Variants in RECK observed in about 807,000 individuals in gnomAD.
The protein encoded by RECK is reversion inducing cysteine rich protein with kazal motifs.
Under a neutral mutation model 115.1 loss-of-function variants are expected in RECK, and 69 were observed. That is an observed-to-expected ratio of 0.60 (90% CI 0.49 to 0.73). RECK has a LOEUF of 0.73. Among genes scored for constraint, RECK ranks in the 30% least tolerant of loss-of-function variants. The probability of loss-of-function intolerance (pLI) is 0.00; values close to 1 mark genes in which losing one functional copy is unlikely to be tolerated. For synonymous variants in RECK, 414 were observed against 419.7 expected (o/e 0.99, Z 0.17); for missense variants, 1,047 against 1,203.7 (o/e 0.87, Z 1.93).
intron 1 of RECK, among the ~76,000 whole-genome samples, chr9:36,050,483 C>T (rs1195661267): frequency 2.0e-5 from 3 of 152,212 alleles, no homozygotes; most frequent in African/African-American, 7.2e-5. Flanking sequence ...TAGTTGAAGA[C>T]ACTACAGTCT....
intron 8 of RECK, among the ~76,000 whole-genome samples, chr9:36,084,700 A>AGAAG (rs1214751853): frequency 6.9e-6 from 1 of 144,308 alleles, no homozygotes; most frequent in Non-Finnish European, 1.5e-5. Flanking sequence ...TCAGGAAGGA[A>AGAAG]GAAGGAAGGA....
intron 17 of RECK, among the ~76,000 whole-genome samples, chr9:36,117,974 C>T (rs1824324430): frequency 6.6e-6 from 1 of 152,002 alleles, no homozygotes; most frequent in Non-Finnish European, 1.5e-5. Flanking sequence ...AGCAAGACTC[C>T]ATCTAAAAAA....
At chr9:36,114,021 C>T (rs901953879) in intron 16 of RECK, among the ~76,000 whole-genome samples, 2 of 152,192 alleles carry the variant, frequency 1.3e-5, no homozygotes, top group Admixed American at 6.6e-5. Context: ...TGGGATCCTT[C>T]CATATAGTGA....
chr9:36,088,013 T>A, intron 9 of RECK, 52 bp downstream of exon 9: 1 of 1,377,248 alleles, frequency 7.3e-7, no homozygotes, highest in Non-Finnish European at 1.0e-6. Context: ...GCATTTTAAT[T>A]AATGATTTTA....
At chr9:36,079,999 A>G (rs1822619780) in intron 6 of RECK, among the ~76,000 whole-genome samples, 1 of 152,158 alleles carries the variant, frequency 6.6e-6, no homozygotes, top group South Asian at 2.1e-4. Context: ...CTGCTGAGGA[A>G]ACAGTTTCTT....
intron 7 of RECK, among the ~76,000 whole-genome samples, chr9:36,082,188 C>CTCTCTCTCTCTCTCTCTCT (rs1401784584): frequency 5.3e-4 from 78 of 146,562 alleles, no homozygotes; most frequent in East Asian, 1.2e-3. Context: ...CTCTCTCTCT[C>CTCTCTCTCTCTCTCTCTCT]CTTTTTTCTT....
chr9:36,087,146 G>A (rs750035483), intron 8 of RECK, among the ~76,000 whole-genome samples: 11 of 151,858 alleles, frequency 7.2e-5, no homozygotes, highest in South Asian at 6.2e-4. Context: ...GCCATGTTCT[G>A]TGCTAAGCAG....
intron 6 of RECK, among the ~76,000 whole-genome samples, chr9:36,077,968 G>A: frequency 6.6e-6 from 1 of 152,120 alleles, no homozygotes; most frequent in East Asian, 1.9e-4. Flanking sequence ...AGGTACTTGG[G>A]AGGCAGCAGA....
intron 1 of RECK, among the ~76,000 whole-genome samples, chr9:36,037,942 G>A (rs1465483926): frequency 1.5e-4 from 22 of 149,888 alleles, no homozygotes; most frequent in African/African-American, 5.2e-4. Context: ...AGATGGCTAG[G>A]ACGTGTGCAT....
chr9:36,121,413 C>T (rs988552977), intron 19 of RECK, 120 bp from the exon 20 acceptor site: 3 of 886,462 alleles, frequency 3.4e-6, no homozygotes, highest in Admixed American at 5.5e-5. Flanking sequence ...TGCGGTTGGG[C>T]CTTCCGCTGA....
intron 16 of RECK, among the ~76,000 whole-genome samples, chr9:36,116,402 C>T (rs1046905241): frequency 6.6e-6 from 1 of 152,222 alleles, no homozygotes; most frequent in African/African-American, 2.4e-5. Context: ...GCTAGCATTA[C>T]AGGCGTGAGG....
At chr9:36,037,876 C>A (rs1034320046) in intron 1 of RECK, among the ~76,000 whole-genome samples, 2 of 151,714 alleles carry the variant, frequency 1.3e-5, no homozygotes, top group Admixed American at 1.3e-4. Flanking sequence ...GAGAGGACAT[C>A]GACCTAGGAT....
intron 1 of RECK, among the ~76,000 whole-genome samples, chr9:36,040,993 T>C (rs538646608): frequency 6.6e-6 from 1 of 152,290 alleles, no homozygotes; most frequent in East Asian, 1.9e-4. Flanking sequence ...CATTGCTTAT[T>C]AAGCCAAATT....
chr9:36,037,137 A>T lies in RECK; in HGVS notation c.100+39A>T, dbSNP rs986680485. Reference sequence around the variant, plus strand: ...AGAGCAACGGTTCGAAGCTGTCGGGAGCGGCCGCCACAGCGCTCCAAGATG... The same window carrying T: ...AGAGCAACGGTTCGAAGCTGTCGGGTGCGGCCGCCACAGCGCTCCAAGATG... On this transcript the variant is annotated intron_variant, in intron 1 of 20. Transcript: ENST00000377966. 7 of 1,166,338 alleles carry T rather than the reference A, an allele frequency of 6.0e-6. No individual in the cohort carries two copies. In the African/African-American group the frequency reaches 9.9e-5, roughly 17 times the overall value. 72.2% of individuals were successfully genotyped at this position (1,166,338 alleles called of 1,614,324 possible).
chr9:36,117,704 C>T (rs932702133), intron 17 of RECK, among the ~76,000 whole-genome samples: 7 of 152,140 alleles, frequency 4.6e-5, no homozygotes, highest in East Asian at 1.9e-4. Flanking sequence ...AAAACTGGGC[C>T]GGGCGCGGTG....
intron 4 of RECK, among the ~76,000 whole-genome samples, chr9:36,062,872 C>T (rs756664786): frequency 2.0e-5 from 3 of 152,108 alleles, no homozygotes; most frequent in Non-Finnish European, 4.4e-5. Context: ...TGGTCGCTTA[C>T]ACCTGTAATC....
At chr9:36,092,312 TAAAAGAACAATTGTTTTGAA>T (rs1823188223) in intron 10 of RECK, among the ~76,000 whole-genome samples, 8 of 152,188 alleles carry the variant, frequency 5.3e-5, no homozygotes, top group African/African-American at 1.7e-4. Flanking sequence ...GCACAAAATA[TAAAAGAACAATTGTTTTGAA>T]GGTATTGGAG....
intron 13 of RECK, 25 bp downstream of exon 13, chr9:36,105,308 G>A (rs1455343095): frequency 6.2e-7 from 1 of 1,612,848 alleles, no homozygotes; most frequent in East Asian, 2.2e-5. Flanking sequence ...GGTGTGAGAA[G>A]AGGATGGATA....
intron 15 of RECK, among the ~76,000 whole-genome samples, chr9:36,110,536 G>A (rs936567576): frequency 2.6e-5 from 4 of 152,134 alleles, no homozygotes; most frequent in African/African-American, 9.7e-5. Flanking sequence ...ACTTTCCTAT[G>A]CTTTGCTGCT....
Sources: allele counts gnomAD v4.1 joint callset (sites outside exome capture counted in the v4.1 genomes callset), GRCh38; gene constraint gnomAD v4.1.1; transcripts MANE v1.5; gene names NCBI Gene and HGNC (gene_info 2026-07-23, HGNC 2026-07-21).